The following SEMA6D variants were observed in gnomAD, a reference collection of about 807,000 sequenced individuals.
The protein encoded by SEMA6D is semaphorin 6D, also known as semaphorin-6D.
In SEMA6D, 35 loss-of-function variants were observed where a neutral mutation model predicts 106.6. The ratio of observed to expected loss-of-function variants is 0.33; its 90% CI spans 0.25 to 0.44. The LOEUF (loss-of-function observed/expected upper bound fraction) is 0.44. SEMA6D is among the 20% of genes least tolerant of loss of function. The pLI is 1.00. For synonymous variants in SEMA6D, 499 were observed against 487.7 expected, an observed-to-expected ratio of 1.02 and a Z score of -0.31; for missense variants, 1,185 against 1,345.9, an observed-to-expected ratio of 0.88 and a Z score of 1.87.
chr15:47,323,679 G>GAAACTCCT (rs2037013599), intron 1 of SEMA6D, among the ~76,000 whole-genome samples: 1 of 152,112 alleles, frequency 6.6e-6, no homozygotes, highest in Non-Finnish European at 1.5e-5. Flanking sequence ...GTTTCACCAG[G>GAAACTCCT]GATCTGTCCT....
At chr15:47,527,853 G>GA (rs2044814712) in intron 3 of SEMA6D, 1 of 152,136 alleles carries the variant, frequency 6.6e-6, no homozygotes, top group African/African-American at 2.4e-5. Flanking sequence ...CAGCAGGTCT[G>GA]AAAATCCCCT....
At chr15:47,339,167 T>A (rs1286642020) in intron 1 of SEMA6D, 1 of 152,048 alleles carries the variant, frequency 6.6e-6, no homozygotes, top group Non-Finnish European at 1.5e-5. Context: ...GCTTCCCCCA[T>A]ACCTCACCCT....
At chr15:47,563,350 G>A (rs892484708) in intron 3 of SEMA6D, among the ~76,000 whole-genome samples, 3 of 152,126 alleles carry the variant, frequency 2.0e-5, no homozygotes, top group Non-Finnish European at 2.9e-5. Flanking sequence ...AAAACAATTT[G>A]AAGAGTTAGG....
Position 47,520,309 on chromosome 15 carries a change from G to T in SEMA6D, c.-87+49764G>T, listed in dbSNP as rs1301327567. 2.0e-5 allele frequency among the ~76,000 whole-genome samples: 3 copies of T among 152,226 alleles called. No individual in the cohort carries two copies. The East Asian group carries it at 5.8e-4, about 29-fold the overall frequency. On this transcript the variant is annotated intron_variant, in intron 3 of 19. Transcript: ENST00000558014. ...TAAAGGAGTGCTATGGGGAAATTGA[G>T]ATCCAAAACTGCTGAGTCCTTAGGC...
intron 4 of SEMA6D, among the ~76,000 whole-genome samples, chr15:47,612,759 T>G (rs2076933669): frequency 7.3e-6 from 1 of 137,604 alleles, no homozygotes; most frequent in African/African-American, 2.6e-5. Flanking sequence ...CTTGTTTATT[T>G]TTTATTTTTT....
In SEMA6D at chr15:47,764,729, C is replaced by A; in HGVS notation, c.1189C>A (p.Pro397Thr). The A allele has an allele frequency of 6.2e-7, 1 of 1,614,074 alleles. No individual in the cohort carries two copies. Among genetic ancestry groups the A allele is most frequent in the Non-Finnish European group, 8.5e-7 (1 of 1,179,918 alleles). The change falls in exon 12 of 19, where the codon CCC becomes ACC. Residue 397 changes from proline (P) to threonine (T), a missense_variant. Physicochemically the swap from Pro to Thr is conservative, Grantham distance 38. Transcript: ENST00000536845. ...AACTCTGTCATTCATCAAATCTCATCCCCTGATGGACTCTGCCGTTCCACC... is the reference window on the plus strand; with the variant it reads ...AACTCTGTCATTCATCAAATCTCATACCCTGATGGACTCTGCCGTTCCACC... ...DETLSFIKSH[P>T]LMDSAVPPIA...
chr15:47,351,385 C>T (rs564963929), intron 1 of SEMA6D, among the ~76,000 whole-genome samples: 1 of 152,182 alleles, frequency 6.6e-6, no homozygotes, highest in African/African-American at 2.4e-5. Context: ...TTTTGTGATG[C>T]TTTTGTTTCT....
intron 1 of SEMA6D, among the ~76,000 whole-genome samples, chr15:47,366,634 G>A (rs2039039617): frequency 6.6e-6 from 1 of 152,138 alleles, no homozygotes; most frequent in Admixed American, 6.5e-5. Flanking sequence ...ATTAGACCTT[G>A]GTCTTGAGGG....
At chr15:47,553,084 A>G (rs1409984122) in intron 3 of SEMA6D, among the ~76,000 whole-genome samples, 3 of 149,390 alleles carry the variant, frequency 2.0e-5, no homozygotes, top group South Asian at 4.2e-4. Context: ...TTGTATTTTT[A>G]TTAGAGACAG....
At chr15:47,434,716 T>G (rs1054828003) in intron 2 of SEMA6D, among the ~76,000 whole-genome samples, 1 of 152,162 alleles carries the variant, frequency 6.6e-6, no homozygotes, top group Non-Finnish European at 1.5e-5. Flanking sequence ...TACAAATGGA[T>G]AATGTGTGGT....
intron 1 of SEMA6D, among the ~76,000 whole-genome samples, chr15:47,311,408 C>A (rs1220690335): frequency 6.6e-6 from 1 of 152,000 alleles, no homozygotes; most frequent in African/African-American, 2.4e-5. Context: ...CCTCTTGATT[C>A]TTGAATATAA....
chr15:47,482,020 A>G (rs1369663172), intron 3 of SEMA6D, among the ~76,000 whole-genome samples: 1 of 152,120 alleles, frequency 6.6e-6, no homozygotes, highest in African/African-American at 2.4e-5. Context: ...AGAGTTGGAC[A>G]GAGTTGAGCA....
At chr15:47,334,922 T>A (rs910111932) in intron 1 of SEMA6D, among the ~76,000 whole-genome samples, 5 of 152,202 alleles carry the variant, frequency 3.3e-5, no homozygotes, top group Non-Finnish European at 5.9e-5. Context: ...TATCCCTTGG[T>A]TATTGCTATC....
chr15:47,509,871 G>A (rs1398273094), intron 3 of SEMA6D, among the ~76,000 whole-genome samples: 11 of 152,318 alleles, frequency 7.2e-5, no homozygotes, highest in Middle Eastern at 3.4e-3. Flanking sequence ...TCTGCCATAT[G>A]TACTCTCCAG....
intron 1 of SEMA6D, among the ~76,000 whole-genome samples, chr15:47,755,707 C>T (rs2081684701): frequency 6.6e-6 from 1 of 151,778 alleles, no homozygotes; most frequent in Non-Finnish European, 1.5e-5. Flanking sequence ...TTTACTGGAA[C>T]TCTTCCTTCT....
intron 1 of SEMA6D, among the ~76,000 whole-genome samples, chr15:47,406,890 C>T (rs1450673498): frequency 3.3e-5 from 5 of 151,794 alleles, no homozygotes; most frequent in African/African-American, 7.3e-5. Flanking sequence ...AACATCACAT[C>T]GTGTACCCTA....
chr15:47,568,223 T>C (rs983830969), intron 3 of SEMA6D, among the ~76,000 whole-genome samples: 1 of 148,856 alleles, frequency 6.7e-6, no homozygotes, highest in Non-Finnish European at 1.5e-5. Context: ...AAAACCGCAA[T>C]TACTTTTGCA....
At chr15:47,686,500 A>G (rs1464673570) in intron 4 of SEMA6D, among the ~76,000 whole-genome samples, 1 of 152,242 alleles carries the variant, frequency 6.6e-6, no homozygotes, top group Non-Finnish European at 1.5e-5. Context: ...ATTCTCCATC[A>G]TCGTGCAAAT....
At chr15:47,713,583 C>T (rs1343419245), upstream of SEMA6D, among the ~76,000 whole-genome samples, 4 of 152,152 alleles carry the variant, frequency 2.6e-5, no homozygotes, top group Non-Finnish European at 4.4e-5. Context: ...AATGTGCGAA[C>T]GCAAGGAATA....
Sources: allele counts gnomAD v4.1 joint callset (sites outside exome capture counted in the v4.1 genomes callset), GRCh38; gene constraint gnomAD v4.1.1; transcripts MANE v1.5; gene names NCBI Gene and HGNC (gene_info 2026-07-23, HGNC 2026-07-21).